The following SHANK2 variants were observed in gnomAD, a reference collection of about 807,000 sequenced individuals.
The protein encoded by SHANK2 is SH3 and multiple ankyrin repeat domains protein 2.
A neutral mutation model predicts 133.7 loss-of-function variants in SHANK2; 43 were observed. The observed-to-expected ratio is 0.32, with a 90% CI of 0.25 to 0.41. SHANK2 has a LOEUF of 0.41. SHANK2 is among the 10% of genes least tolerant of loss of function. The pLI, the probability that SHANK2 is intolerant of heterozygous loss-of-function variation, is 1.00. For missense variants in SHANK2, 1,994 were observed against 2,235.8 expected, an observed-to-expected ratio of 0.89 and a Z score of 2.18; for synonymous variants, 1,017 against 952.8, an observed-to-expected ratio of 1.07 and a Z score of -1.24.
chr11:70,711,885 C>A (rs556601489), intron 14 of SHANK2, among the ~76,000 whole-genome samples: 1 of 152,344 alleles, frequency 6.6e-6, no homozygotes, highest in South Asian at 2.1e-4. Context: ...GGACCCTGTG[C>A]AGAATGCCCA....
At chr11:70,944,068 C>T (rs1555084894) in intron 10 of SHANK2, 2 of 425,656 alleles carry the variant, frequency 4.7e-6, no homozygotes, top group African/African-American at 4.1e-5. Flanking sequence ...ACATCTTGTC[C>T]ACAGCAAGGT....
chr11:70,551,495 T>C (rs1332047208), intron 17 of SHANK2, among the ~76,000 whole-genome samples: 1 of 152,210 alleles, frequency 6.6e-6, no homozygotes, highest in Non-Finnish European at 1.5e-5. Flanking sequence ...GGCGACCGCA[T>C]GCCTGTTATC....
chr11:70,728,351 G>A lies in SHANK2; in HGVS notation c.1778-29588C>T, dbSNP rs1308941915. Among the ~76,000 whole-genome samples the A allele has an allele frequency of 3.9e-5, 6 of 152,234 alleles. No individual in the cohort carries two copies. In the South Asian group the frequency reaches 6.2e-4, roughly 16 times the overall value. ...TTGTCTGCAGCCAGAGGCCGGATCC[G>A]AGGCACCGTGACTTGGGAGTGGTCA... On this transcript the variant is annotated intron_variant, in intron 14 of 25. Transcript: ENST00000601538.
intron 11 of SHANK2, chr11:70,864,072 AAG>A (rs1949308464): frequency 3.0e-6 from 1 of 332,772 alleles, no homozygotes; most frequent in Admixed American, 4.2e-5. Context: ...AAGCACAAGA[AAG>A]GGACCCTCCA....
chr11:70,633,490 AAAAG>A (rs2061028926), intron 17 of SHANK2: 1 of 152,326 alleles, frequency 6.6e-6, no homozygotes, highest in African/African-American at 2.4e-5. Flanking sequence ...TTGACAATGA[AAAAG>A]AAAGAATTAA....
chr11:71,220,090 G>C (rs1181730585), intron 2 of SHANK2, among the ~76,000 whole-genome samples: 1 of 152,024 alleles, frequency 6.6e-6, no homozygotes, highest in Non-Finnish European at 1.5e-5. Flanking sequence ...AAATTAGCCA[G>C]GCATGATGGC....
chr11:70,866,164 G>A (rs1013463300), intron 11 of SHANK2, among the ~76,000 whole-genome samples: 1 of 152,076 alleles, frequency 6.6e-6, no homozygotes, highest in South Asian at 2.1e-4. Flanking sequence ...ACCAGGGAGC[G>A]GTCTGCTGCA....
intron 14 of SHANK2, among the ~76,000 whole-genome samples, chr11:70,752,575 G>A (rs1051601288): frequency 1.6e-4 from 24 of 151,902 alleles, no homozygotes; most frequent in Non-Finnish European, 2.8e-4. Flanking sequence ...GCGAAGTGGC[G>A]GGCGCCTGTA....
At chr11:71,192,541 T>A (rs1283691820) in intron 2 of SHANK2, among the ~76,000 whole-genome samples, 1 of 152,190 alleles carries the variant, frequency 6.6e-6, no homozygotes, top group Non-Finnish European at 1.5e-5. Context: ...GTCCCCACTG[T>A]AATTAGAAAG....
intron 10 of SHANK2, among the ~76,000 whole-genome samples, chr11:70,929,824 C>T (rs192180476): frequency 6.6e-6 from 1 of 152,306 alleles, no homozygotes; most frequent in Non-Finnish European, 1.5e-5. Context: ...ATTCTTTTAG[C>T]AACTGCAATA....
chr11:70,486,054 A>G lies in SHANK2; in HGVS notation c.4239T>C (p.Pro1413=). 6.2e-7 allele frequency: 1 copy of G among 1,613,968 alleles called. No homozygotes were observed. The stretch of plus-strand genomic sequence containing the variant: ...CAAAACTATTTGCAAATTCCAGGGG[A>G]GGAGGCAATGGCTCTGTAAAAATAA... The part of the protein sequence containing the change: ...EDFIFTEPLP[P]PLEFANSFDI... Residue 1413 remains proline, a synonymous_variant, in exon 25 of 26, where the codon CCT becomes CCC. Transcript: ENST00000601538. This position sits in a 1 kb window ranked among gnomAD's most constrained non-coding sequence, Gnocchi z 8.0.
At chr11:70,660,371 C>T (rs1223457553) in intron 16 of SHANK2, among the ~76,000 whole-genome samples, 1 of 152,206 alleles carries the variant, frequency 6.6e-6, no homozygotes, top group Non-Finnish European at 1.5e-5. Flanking sequence ...AGACTCGCAA[C>T]CAAGGGAATT....
chr11:70,732,181 A>T (rs1946303764), intron 14 of SHANK2, among the ~76,000 whole-genome samples: 1 of 151,966 alleles, frequency 6.6e-6, no homozygotes, highest in African/African-American at 2.4e-5. Flanking sequence ...GCCCAACATC[A>T]CACGTAACAT....
At position 70,863,034 on chromosome 11, in the gene SHANK2, C is replaced by T. The variant is rs560975769; in HGVS notation, c.1174+33467G>A. ...CTGGTGGGCAGGGCAGAGGCTGCTC[C>T]GCAGGACTTACGGAGCAGGGGTAGC... On this transcript the variant is annotated intron_variant, in intron 11 of 25. Coordinates refer to ENST00000601538, the MANE Select transcript of SHANK2 (RefSeq NM_012309.5). Among the ~76,000 whole-genome samples the T allele has an allele frequency of 1.8e-4, 27 of 152,210 alleles. No homozygotes were observed. In the South Asian group the frequency reaches 2.5e-3, roughly 14 times the overall value.
At chr11:70,761,925 G>A (rs547179644) in intron 14 of SHANK2, among the ~76,000 whole-genome samples, 1 of 152,250 alleles carries the variant, frequency 6.6e-6, no homozygotes, top group Admixed American at 6.5e-5. Flanking sequence ...CCCGGCTGCT[G>A]CTGCTGCTGC....
intron 17 of SHANK2, among the ~76,000 whole-genome samples, chr11:70,534,814 G>A (rs574907835): frequency 2.6e-5 from 4 of 152,326 alleles, no homozygotes; most frequent in East Asian, 1.9e-4. Flanking sequence ...GGACAATGGC[G>A]AGGTGGGGAC....
chr11:70,744,002 A>G (rs1195903383), intron 14 of SHANK2, among the ~76,000 whole-genome samples: 3 of 151,940 alleles, frequency 2.0e-5, no homozygotes, highest in Non-Finnish European at 4.4e-5. Context: ...CCTCAGCCCC[A>G]CACCTGGCCT....
chr11:70,932,267 G>A (rs141626243), intron 10 of SHANK2, among the ~76,000 whole-genome samples: 75 of 152,304 alleles, frequency 4.9e-4, no homozygotes, highest in African/African-American at 1.7e-3. Context: ...TAACAGCCAC[G>A]GGAAATATTA....
At chr11:70,645,307 C>T (rs188137648) in intron 17 of SHANK2, among the ~76,000 whole-genome samples, 4 of 152,184 alleles carry the variant, frequency 2.6e-5, no homozygotes, top group East Asian at 1.9e-4. Flanking sequence ...GCCAGAATCC[C>T]GGTGTTGCTG....
Sources: allele counts gnomAD v4.1 joint callset (sites outside exome capture counted in the v4.1 genomes callset), GRCh38; gene constraint gnomAD v4.1.1; non-coding constraint Gnocchi (gnomAD v3.1); transcripts MANE v1.5; gene names NCBI Gene and HGNC (gene_info 2026-07-23, HGNC 2026-07-21).